The following TANC1 variants were observed in gnomAD, a reference collection of about 807,000 sequenced individuals.
The protein encoded by TANC1 is protein TANC1.
A neutral mutation model predicts 149.7 loss-of-function variants in TANC1; 77 were observed. The ratio of observed to expected loss-of-function variants is 0.51; its 90% CI spans 0.43 to 0.62. The LOEUF (loss-of-function observed/expected upper bound fraction) is 0.62, where lower values mean the gene tolerates loss of function less well. Among genes scored for constraint, TANC1 ranks in the 20% least tolerant of loss-of-function variants. The pLI is 0.00. For missense variants in TANC1, 1,985 were observed against 2,321.8 expected (o/e 0.85, Z 2.98); for synonymous variants, 854 against 925.0 (o/e 0.92, Z 1.39).
intron 5 of TANC1, among the ~76,000 whole-genome samples, chr2:159,143,582 A>G (rs1424399121): frequency 7.9e-6 from 1 of 126,876 alleles, no homozygotes; most frequent in Non-Finnish European, 1.7e-5. Flanking sequence ...AAAAAAAAAA[A>G]AATGGAAATT....
chr2:159,192,144 G>A (rs2057492022), intron 16 of TANC1, among the ~76,000 whole-genome samples: 1 of 152,194 alleles, frequency 6.6e-6, no homozygotes, highest in South Asian at 2.1e-4. Flanking sequence ...GGGGGATATA[G>A]TAATTAGTGG....
intron 4 of TANC1, among the ~76,000 whole-genome samples, chr2:159,124,127 G>A (rs991922642): frequency 6.6e-5 from 10 of 152,180 alleles, no homozygotes; most frequent in African/African-American, 2.2e-4. Context: ...GGAAGCTGAG[G>A]CGGGCGGATC....
intron 3 of TANC1, among the ~76,000 whole-genome samples, chr2:159,089,971 A>G (rs969463249): frequency 6.6e-6 from 1 of 152,220 alleles, no homozygotes; most frequent in Non-Finnish European, 1.5e-5. Flanking sequence ...TATCCTAAAG[A>G]TCTTAAAATT....
intron 11 of TANC1, among the ~76,000 whole-genome samples, chr2:159,173,706 A>G (rs2055523942): frequency 6.6e-6 from 1 of 152,222 alleles, no homozygotes; most frequent in Non-Finnish European, 1.5e-5. Context: ...TGGACATCTC[A>G]TGATGGTTTG....
chr2:159,219,164 A>C, intron 20 of TANC1, 74 bp from the exon 21 acceptor site: 1 of 1,585,686 alleles, frequency 6.3e-7, no homozygotes, highest in Non-Finnish European at 8.7e-7. Flanking sequence ...TTAAAGGTTG[A>C]GAAACCTGCC....
intron 4 of TANC1, among the ~76,000 whole-genome samples, chr2:159,128,013 A>G (rs1019848140): frequency 3.9e-5 from 6 of 152,376 alleles, no homozygotes; most frequent in African/African-American, 1.2e-4. Flanking sequence ...CAAACAAGGT[A>G]TTTGAAATAA....
At chr2:159,025,410 G>A (rs1186188450) in intron 2 of TANC1, among the ~76,000 whole-genome samples, 4 of 151,912 alleles carry the variant, frequency 2.6e-5, no homozygotes, top group African/African-American at 4.8e-5. Context: ...CTCATTCTGC[G>A]TAACTGCAAC....
At chr2:159,225,650 G>A in intron 23 of TANC1, 38 bp from the exon 24 acceptor site, 1 of 1,548,734 alleles carries the variant, frequency 6.5e-7, no homozygotes, top group South Asian at 1.1e-5. Flanking sequence ...TTTCCGCAGG[G>A]CCTCTGAAGT....
intron 3 of TANC1, among the ~76,000 whole-genome samples, chr2:159,094,599 A>G (rs987775432): frequency 1.3e-5 from 2 of 152,184 alleles, no homozygotes; most frequent in African/African-American, 4.8e-5. Flanking sequence ...AGACAGTTGA[A>G]GGGAAAGCAG....
intron 1 of TANC1, among the ~76,000 whole-genome samples, chr2:158,992,977 C>T (rs2035813559): frequency 6.6e-6 from 1 of 151,154 alleles, no homozygotes; most frequent in Admixed American, 6.6e-5. Flanking sequence ...AGTTTACTGC[C>T]TTCATGCTCA....
In TANC1 at chr2:159,176,537, A is replaced by C; in HGVS notation, c.1902+19A>C. 3 of 1,573,024 alleles carry C rather than the reference A, an allele frequency of 1.9e-6. No individual in the cohort carries two copies. Among genetic ancestry groups the C allele is most frequent in the Non-Finnish European group, 2.6e-6 (3 of 1,160,690 alleles). On this transcript the variant is annotated intron_variant, in intron 13 of 26. Coordinates refer to ENST00000263635, the MANE Select transcript of TANC1 (RefSeq NM_033394.3). ...TTTTCAGGTAACAAAGAATTCTCAA[A>C]TCTTTCTCCAAGTCCCCATTCCAAT...
chr2:159,187,350 T>C (rs567025313), intron 16 of TANC1, among the ~76,000 whole-genome samples: 144 of 152,354 alleles, frequency 9.5e-4, no homozygotes, highest in African/African-American at 3.3e-3. Context: ...ATTTTTTAAG[T>C]GTCCTGCGTT....
chr2:159,027,498 A>G (rs6720829), intron 2 of TANC1, among the ~76,000 whole-genome samples: 10,925 of 152,138 alleles, frequency 0.072, 598 homozygotes, highest in East Asian at 0.16. Flanking sequence ...TCAAATTTCT[A>G]CCAACATTTT....
chr2:159,079,346 C>CTTTTTTTTTTTT (rs68143585), intron 3 of TANC1, among the ~76,000 whole-genome samples: 3 of 109,920 alleles, frequency 2.7e-5, no homozygotes, highest in Admixed American at 1.0e-4. Flanking sequence ...GTGTGTGTGT[C>CTTTTTTTTTTTT]TTTTTTTTTT....
chr2:159,046,589 CTTTTTTTTT>C (rs57208685), intron 2 of TANC1, among the ~76,000 whole-genome samples: 68 of 84,384 alleles, frequency 8.1e-4, no homozygotes, highest in Middle Eastern at 6.0e-3. Flanking sequence ...CTTTTCTTTA[CTTTTTTTTT>C]TTTTTTTTTT....
At chr2:159,098,173 A>G (rs895511352) in intron 4 of TANC1, among the ~76,000 whole-genome samples, 1 of 152,156 alleles carries the variant, frequency 6.6e-6, no homozygotes, top group African/African-American at 2.4e-5. Context: ...GATCAATGAC[A>G]AACTGCATGT....
chr2:159,196,423 G>A (rs1249127636), intron 17 of TANC1, among the ~76,000 whole-genome samples, 185 bp from the exon 18 acceptor site: 1 of 152,168 alleles, frequency 6.6e-6, no homozygotes, highest in African/African-American at 2.4e-5. Context: ...GGCCTGGAAT[G>A]GTACATTCAT....
intron 7 of TANC1, among the ~76,000 whole-genome samples, chr2:159,162,847 C>T (rs1454561237): frequency 1.3e-5 from 2 of 152,038 alleles, no homozygotes; most frequent in East Asian, 1.9e-4. Flanking sequence ...CTGCATTAAC[C>T]ATTCTGTTGT....
In TANC1 at chr2:159,231,417, G is replaced by A. The variant is rs1233701649; in HGVS notation, c.*405G>A. 1.2e-5 allele frequency: 2 copies of A among 160,302 alleles called. No individual in the cohort carries two copies. The highest frequency in any genetic ancestry group is 4.8e-5 in the African/African-American group (2 of 41,530). The allele number at this position is 160,302 out of a possible 1,614,324, so 9.9% of individuals were successfully genotyped here. A position where few individuals can be genotyped will look rare whatever the true frequency, so the allele number is the denominator to read the frequency against. Reference sequence around the variant, plus strand: ...ACCAAGTGATGTACATCCAAGTGATGTATTCTGGAAACGATGGAATTTTAC... The same window carrying A: ...ACCAAGTGATGTACATCCAAGTGATATATTCTGGAAACGATGGAATTTTAC... On this transcript the variant is annotated 3_prime_UTR_variant, in exon 27 of 27. Coordinates refer to ENST00000263635, the MANE Select transcript of TANC1 (RefSeq NM_033394.3).
Sources: gnomAD v4.1 joint callset for allele counts (sites outside exome capture counted in the v4.1 genomes callset) on GRCh38, gnomAD v4.1.1 for gene constraint, MANE v1.5 for transcripts, NCBI Gene and HGNC (gene_info 2026-07-23, HGNC 2026-07-21) for gene names.